The following KHDRBS2 variants were observed in gnomAD, a reference collection of about 807,000 sequenced individuals.
KHDRBS2 encodes KH domain-containing, RNA-binding, signal transduction-associated protein 2.
KHDRBS2 carries 26 observed loss-of-function variants against 44.3 expected under a neutral mutation model. That is an observed-to-expected ratio of 0.59 (90% CI 0.43 to 0.81). The LOEUF is 0.81. Ranked by LOEUF, KHDRBS2 falls within the 40% of genes least tolerant of loss-of-function variation. The pLI, the probability that KHDRBS2 is intolerant of heterozygous loss-of-function variation, is 0.00. For missense variants in KHDRBS2, 476 were observed against 433.1 expected, an observed-to-expected ratio of 1.10 and a Z score of -0.88; for synonymous variants, 194 against 151.1, an observed-to-expected ratio of 1.28 and a Z score of -2.08.
At position 61,894,654 on chromosome 6, in the gene KHDRBS2, T is replaced by C. The variant is rs1244015164; in HGVS notation, c.791A>G (p.His264Arg). The change falls in exon 6 of 9, where the codon CAT becomes CGT. Residue 264 changes from histidine to arginine, a missense_variant. Transcript: ENST00000281156. The part of the protein sequence containing the change: ...PGYRAPPPPA[H>R]EAYEEYGYDD... The stretch of plus-strand genomic sequence containing the variant: ...ACTTACATATTCTTCATAAGCTTCA[T>C]GGGCTGGAGGAGGAGGTGCCCTGTA... The C allele has an allele frequency of 6.2e-7, 1 of 1,611,686 alleles. No homozygotes were observed. The highest frequency in any genetic ancestry group is 8.5e-7 in the Non-Finnish European group (1 of 1,179,336).
intron 1 of KHDRBS2, among the ~76,000 whole-genome samples, chr6:62,241,573 A>G (rs2150167821): frequency 6.6e-6 from 1 of 152,044 alleles, no homozygotes; most frequent in Non-Finnish European, 1.5e-5. Context: ...AAGTGTGTTG[A>G]CGGCATAGCA....
the KHDRBS2 span, among the ~76,000 whole-genome samples, chr6:61,604,565 T>C: frequency 6.6e-6 from 1 of 152,328 alleles, no homozygotes; most frequent in East Asian, 1.9e-4. Context: ...GCCGCTAGCC[T>C]GTCTCTTAGA....
intron 4 of KHDRBS2, among the ~76,000 whole-genome samples, chr6:61,969,820 C>T (rs1241018264): frequency 6.6e-6 from 1 of 151,678 alleles, no homozygotes; most frequent in Non-Finnish European, 1.5e-5. Flanking sequence ...AAATTTTATT[C>T]TGACTTAAAT....
chr6:61,675,733 C>T (rs182725795), downstream of KHDRBS2, among the ~76,000 whole-genome samples: 74 of 151,674 alleles, frequency 4.9e-4, 1 homozygote, highest in East Asian at 0.013. Context: ...ATAATTTATT[C>T]TTAATTTTAT....
At chr6:62,157,140 G>A (rs1816618052) in intron 2 of KHDRBS2, among the ~76,000 whole-genome samples, 2 of 151,608 alleles carry the variant, frequency 1.3e-5, no homozygotes, top group South Asian at 2.1e-4. Flanking sequence ...CGGATCACGA[G>A]GTCAAGTGAT....
chr6:61,624,457 T>C, the KHDRBS2 span, among the ~76,000 whole-genome samples: 3 of 152,244 alleles, frequency 2.0e-5, no homozygotes, highest in African/African-American at 7.2e-5. Context: ...ATAGAAATAC[T>C]TTTATTACGA....
intron 3 of KHDRBS2, among the ~76,000 whole-genome samples, chr6:62,004,193 C>CA (rs1778790690): frequency 1.3e-5 from 2 of 152,004 alleles, no homozygotes; most frequent in Admixed American, 6.6e-5. Context: ...AAAAATCCTT[C>CA]AAAAAATCCA....
intron 2 of KHDRBS2, among the ~76,000 whole-genome samples, chr6:62,109,324 A>G (rs1196345559): frequency 6.6e-6 from 1 of 152,044 alleles, no homozygotes; most frequent in African/African-American, 2.4e-5. Context: ...GTACTTTCCA[A>G]TCTAGAAAAA....
chr6:61,619,642 A>C, the KHDRBS2 span, among the ~76,000 whole-genome samples: 125,531 of 151,952 alleles, frequency 0.83, 52,114 homozygotes, highest in Non-Finnish European at 0.87. Context: ...TCAGTAGAGA[A>C]GGGGTTTCTC....
At chr6:61,810,961 T>C (rs1350003449) in intron 6 of KHDRBS2, among the ~76,000 whole-genome samples, 2 of 152,116 alleles carry the variant, frequency 1.3e-5, no homozygotes, top group African/African-American at 2.4e-5. Flanking sequence ...AGTTAGAATT[T>C]CCATTTTTAT....
intron 7 of KHDRBS2, among the ~76,000 whole-genome samples, chr6:61,697,469 C>G (rs564292047): frequency 3.7e-4 from 56 of 152,032 alleles, no homozygotes; most frequent in Admixed American, 3.6e-3. Context: ...ATTTCTTTCT[C>G]TCTATCCACC....
At chr6:62,115,931 A>G (rs1454752078) in intron 2 of KHDRBS2, among the ~76,000 whole-genome samples, 1 of 152,132 alleles carries the variant, frequency 6.6e-6, no homozygotes, top group Non-Finnish European at 1.5e-5. Context: ...GGAGACAGAA[A>G]ATAAATACAA....
intron 7 of KHDRBS2, among the ~76,000 whole-genome samples, chr6:61,709,996 A>AT (rs1004107231): frequency 6.6e-6 from 1 of 151,642 alleles, no homozygotes; most frequent in African/African-American, 2.4e-5. Context: ...GTTAATAGTG[A>AT]TTTATATTCT....
intron 6 of KHDRBS2, among the ~76,000 whole-genome samples, chr6:61,885,775 C>T (rs1800863336): frequency 6.6e-6 from 1 of 152,002 alleles, no homozygotes; most frequent in African/African-American, 2.4e-5. Context: ...GAGAGATGAC[C>T]ATGTAAACAC....
chr6:61,673,254 G>A, the KHDRBS2 span, among the ~76,000 whole-genome samples: 1 of 152,012 alleles, frequency 6.6e-6, no homozygotes, highest in Non-Finnish European at 1.5e-5. Flanking sequence ...CTGTAGCCTT[G>A]TAGTATAGTT....
rs544353505 is a variant in KHDRBS2 at position 61,682,720 on chromosome 6, G to A, written c.953-1660C>T. The stretch of plus-strand genomic sequence containing the variant: ...ACCATGTTGTTTTTGGTGGGAAAAT[G>A]CAGATGTTGGTCTTTCTGATGTAAT... On this transcript the variant is annotated intron_variant, in intron 8 of 8. Coordinates refer to ENST00000281156, the MANE Select transcript of KHDRBS2 (RefSeq NM_152688.4). Among the ~76,000 whole-genome samples, 4 of 151,968 alleles carry A rather than the reference G, an allele frequency of 2.6e-5. No homozygotes were observed. In the South Asian group the frequency reaches 8.3e-4, roughly 32 times the overall value.
chr6:61,563,224 A>T, the KHDRBS2 span, among the ~76,000 whole-genome samples: 1 of 152,118 alleles, frequency 6.6e-6, no homozygotes. Flanking sequence ...AAGTCTTAAA[A>T]ATATCACGTT....
chr6:61,990,819 C>A (rs1214157503), intron 3 of KHDRBS2, among the ~76,000 whole-genome samples: 2 of 151,916 alleles, frequency 1.3e-5, no homozygotes, highest in South Asian at 2.1e-4. Flanking sequence ...ATGTGATTCT[C>A]CTGCCTCAAC....
chr6:61,833,167 C>T (rs1389491623), intron 6 of KHDRBS2, among the ~76,000 whole-genome samples: 1 of 152,104 alleles, frequency 6.6e-6, no homozygotes, highest in African/African-American at 2.4e-5. Context: ...AGGCTCTTTA[C>T]CTTAGCTATC....
Sources: gnomAD v4.1 joint callset for allele counts (sites outside exome capture counted in the v4.1 genomes callset) on GRCh38, gnomAD v4.1.1 for gene constraint, MANE v1.5 for transcripts, NCBI Gene and HGNC (gene_info 2026-07-23, HGNC 2026-07-21) for gene names.